Variants in SCUBE1 observed in about 807,000 individuals in gnomAD.
SCUBE1 encodes signal peptide, CUB domain and EGF like domain containing 1.
A neutral mutation model predicts 124.4 loss-of-function variants in SCUBE1; 59 were observed. The ratio of observed to expected loss-of-function variants is 0.47; its 90% CI spans 0.38 to 0.59. The LOEUF is 0.59. Ranked by LOEUF, SCUBE1 falls within the 20% of genes least tolerant of loss-of-function variation. The pLI, the probability that SCUBE1 is intolerant of heterozygous loss-of-function variation, is 0.00. For synonymous variants in SCUBE1, 545 were observed against 550.9 expected (o/e 0.99, Z 0.15); for missense variants, 1,150 against 1,371.2 (o/e 0.84, Z 2.55).
At chr22:43,317,152 T>A (rs1285245139) in intron 3 of SCUBE1, 5 of 152,232 alleles carry the variant, frequency 3.3e-5, no homozygotes, top group Non-Finnish European at 7.3e-5. Flanking sequence ...AAATGTTTTA[T>A]GCCCAGAACC....
At chr22:43,256,032 C>T (rs1418501708) in intron 6 of SCUBE1, among the ~76,000 whole-genome samples, 1 of 152,150 alleles carries the variant, frequency 6.6e-6, no homozygotes, top group African/African-American at 2.4e-5. Context: ...GACAGGGCCA[C>T]AAGGTCCGGT....
At chr22:43,296,663 G>A (rs191113343) in intron 3 of SCUBE1, among the ~76,000 whole-genome samples, 3 of 152,300 alleles carry the variant, frequency 2.0e-5, no homozygotes, top group Admixed American at 2.0e-4. Context: ...TGTCTGGACC[G>A]GCGTGGTTGA....
intron 10 of SCUBE1, among the ~76,000 whole-genome samples, chr22:43,226,869 C>T (rs1330432577): frequency 2.0e-5 from 3 of 152,136 alleles, no homozygotes; most frequent in Non-Finnish European, 4.4e-5. Context: ...AGCATGCCTG[C>T]AGAGGGGGCA....
intron 3 of SCUBE1, among the ~76,000 whole-genome samples, chr22:43,302,419 C>T (rs947433919): frequency 6.6e-6 from 1 of 152,216 alleles, no homozygotes; most frequent in Non-Finnish European, 1.5e-5. Flanking sequence ...TACCGAACTA[C>T]ATTTCACTCA....
At chr22:43,247,453 C>T (rs112259875) in intron 6 of SCUBE1, among the ~76,000 whole-genome samples, 43 of 152,244 alleles carry the variant, frequency 2.8e-4, no homozygotes, top group Non-Finnish European at 5.1e-4. Flanking sequence ...ACGGATTTCT[C>T]TGCTCTAAGA....
chr22:43,229,228 G>T, intron 8 of SCUBE1, 40 bp from the exon 9 acceptor site: 1 of 1,228,320 alleles, frequency 8.1e-7, no homozygotes, highest in Non-Finnish European at 1.2e-6. Flanking sequence ...GGAGGAGTTT[G>T]AGGGAGTGGT....
At chr22:43,294,167 C>T (rs1296186843) in intron 3 of SCUBE1, among the ~76,000 whole-genome samples, 1 of 152,250 alleles carries the variant, frequency 6.6e-6, no homozygotes, top group African/African-American at 2.4e-5. Context: ...CCCCTCTGCA[C>T]CCTTTTCCCA....
chr22:43,305,375 A>G (rs1046075737), intron 3 of SCUBE1, among the ~76,000 whole-genome samples: 4 of 152,174 alleles, frequency 2.6e-5, no homozygotes, highest in African/African-American at 9.7e-5. Flanking sequence ...GCTTGGTCTG[A>G]TTCTGGCAGG....
chr22:43,256,138 C>T (rs761787351), intron 6 of SCUBE1, among the ~76,000 whole-genome samples: 4 of 152,200 alleles, frequency 2.6e-5, no homozygotes, highest in African/African-American at 9.7e-5. Context: ...GACACACACA[C>T]GCACACACAT....
At position 43,197,904 on chromosome 22, in the gene SCUBE1, TTCTC is replaced by T. The variant is rs1386151854; in HGVS notation, c.*6089_*6092del. 2 of 152,364 alleles carry T rather than the reference TTCTC, an allele frequency of 1.3e-5. No homozygotes were observed. Among genetic ancestry groups the T allele is most frequent in the African/African-American group, 2.4e-5 (1 of 41,472 alleles). The allele number at this position is 152,364 out of a possible 1,614,324, so 9.4% of individuals were successfully genotyped here. A position where few individuals can be genotyped will look rare whatever the true frequency, so the allele number is the denominator to read the frequency against. ...CCTGTTCTCTCCCCTCCCTGCAGCC[TTCTC>T]TCTGTCTCTGGACTCCACCGCCAGG... On this transcript the variant is annotated 3_prime_UTR_variant, in exon 22 of 22. Coordinates refer to ENST00000360835, the MANE Select transcript of SCUBE1 (RefSeq NM_173050.5).
intron 8 of SCUBE1, among the ~76,000 whole-genome samples, chr22:43,229,511 G>C (rs951629220): frequency 6.6e-6 from 1 of 152,172 alleles, no homozygotes; most frequent in East Asian, 1.9e-4. Context: ...ATTAGGAGTG[G>C]TAGAGAGGCA....
At chr22:43,337,972 T>G (rs1161945311) in intron 2 of SCUBE1, among the ~76,000 whole-genome samples, 2 of 152,200 alleles carry the variant, frequency 1.3e-5, no homozygotes, top group African/African-American at 4.8e-5. Context: ...ACTGTGAACA[T>G]GGGAATCTTG....
chr22:43,259,611 T>TCC (rs1482805114), intron 5 of SCUBE1, among the ~76,000 whole-genome samples: 1 of 152,162 alleles, frequency 6.6e-6, no homozygotes, highest in Non-Finnish European at 1.5e-5. Context: ...TGCCCACCTG[T>TCC]CCTGAGTGAT....
intron 8 of SCUBE1, 122 bp from the exon 9 acceptor site, chr22:43,229,310 C>A: frequency 1.4e-6 from 1 of 718,084 alleles, no homozygotes. Flanking sequence ...GGCGCAGGCG[C>A]AGCACAGCAC....
At chr22:43,266,427 T>C (rs1415962970) in intron 4 of SCUBE1, among the ~76,000 whole-genome samples, 3 of 152,230 alleles carry the variant, frequency 2.0e-5, no homozygotes, top group Non-Finnish European at 2.9e-5. Flanking sequence ...GTCAGCTGCA[T>C]TGCTTTCACC....
At chr22:43,341,322 G>A (rs1191072582) in intron 1 of SCUBE1, among the ~76,000 whole-genome samples, 1 of 152,220 alleles carries the variant, frequency 6.6e-6, no homozygotes, top group African/African-American at 2.4e-5. Flanking sequence ...GAGGGACACT[G>A]TGCAGGACTG....
chr22:43,266,001 T>A (rs527296733), intron 4 of SCUBE1, among the ~76,000 whole-genome samples: 3 of 152,216 alleles, frequency 2.0e-5, no homozygotes, highest in African/African-American at 7.2e-5. Context: ...CTTGGGAGGC[T>A]GAGGCAGAAG....
intron 8 of SCUBE1, among the ~76,000 whole-genome samples, chr22:43,230,317 C>A (rs571561615): frequency 6.6e-6 from 1 of 152,218 alleles, no homozygotes; most frequent in South Asian, 2.1e-4. Context: ...GTGTGGAGCC[C>A]AAGGGGGACT....
At chr22:43,225,691 C>T (rs1001422408) in intron 10 of SCUBE1, among the ~76,000 whole-genome samples, 3 of 151,718 alleles carry the variant, frequency 2.0e-5, no homozygotes, top group Admixed American at 6.5e-5. Context: ...CGTGAGTCAC[C>T]GTGCCCGGCC....
Sources: gnomAD v4.1 joint callset for allele counts (sites outside exome capture counted in the v4.1 genomes callset) on GRCh38, gnomAD v4.1.1 for gene constraint, MANE v1.5 for transcripts, NCBI Gene and HGNC (gene_info 2026-07-23, HGNC 2026-07-21) for gene names.